Variants in NPR1 observed in about 807,000 individuals in gnomAD.
NPR1 encodes atrial natriuretic peptide receptor 1.
A neutral mutation model predicts 116.9 loss-of-function variants in NPR1; 57 were observed. That is an observed-to-expected ratio of 0.49 (90% confidence interval 0.39 to 0.61). The LOEUF is 0.61. NPR1 is among the 20% of genes least tolerant of loss of function. The pLI is 0.00. For missense variants in NPR1, 1,096 were observed against 1,409.8 expected (o/e 0.78, Z 3.56); for synonymous variants, 555 against 601.6 (o/e 0.92, Z 1.13).
intron 8 of NPR1, 67 bp from the exon 9 acceptor site, chr1:153,685,739 G>T: frequency 8.2e-7 from 1 of 1,223,258 alleles, no homozygotes; most frequent in South Asian, 1.2e-5. Context: ...AAAGACCAGA[G>T]CACAAGCAAT....
rs1241616612 is a variant in NPR1, at chr1:153,679,329, C to T, written c.221C>T (p.Pro74Leu). The T allele has an allele frequency of 5.2e-6, 8 of 1,534,546 alleles. No homozygotes were observed. The highest frequency in any genetic ancestry group is 7.0e-6 in the Non-Finnish European group (8 of 1,146,702). Residue 74 changes from proline (P) to leucine (L), a missense_variant, in exon 1 of 22, where the codon CCG (proline) becomes CTG (leucine). By Grantham distance (98) the Pro-to-Leu change is moderately conservative. Coordinates refer to ENST00000368680, the MANE Select transcript of NPR1 (RefSeq NM_000906.4). The surrounding 1 kb of genome is among the most constrained non-coding windows in gnomAD (Gnocchi z 4.2). ...AQVKARPDLL[P>L]GWTVRTVLGS... ...GTGAAGGCGCGCCCCGACTTGCTGCCGGGCTGGACGGTCCGCACGGTGCTG... is the reference window on the plus strand; with the variant it reads ...GTGAAGGCGCGCCCCGACTTGCTGCTGGGCTGGACGGTCCGCACGGTGCTG...
At chr1:153,682,448 C>T in intron 4 of NPR1, 50 bp from the exon 5 acceptor site, 1 of 1,371,154 alleles carries the variant, frequency 7.3e-7, no homozygotes, top group Non-Finnish European at 1.0e-6. Context: ...AGTGGGGCAC[C>T]CCTGAACTTC....
chr1:153,690,108 G>GTCTC (rs1156364963), intron 19 of NPR1, 128 bp downstream of exon 19: 144 of 315,488 alleles, frequency 4.6e-4, no homozygotes, highest in East Asian at 2.4e-3. Context: ...CTCTCTCTCT[G>GTCTC]TCTCTCTCTC....
chr1:153,685,011 G>T lies in NPR1; in HGVS notation c.1532G>T (p.Arg511Leu). ...KELASELWRV[R>L]WEDVEPSSLE... ...CTGGCCTCGGAGCTGTGGCGGGTGC[G>T]CTGGGAGGACGTTGAGCCCAGTAGC... Residue 511 changes from arginine (R) to leucine (L), a missense_variant, in exon 8 of 22, where the codon CGC becomes CTC. Arg to Leu is a moderately radical substitution (Grantham distance 102). Transcript: ENST00000368680. 3 of 1,614,010 alleles carry T rather than the reference G, an allele frequency of 1.9e-6. No homozygotes were observed. Among genetic ancestry groups the T allele is most frequent in the Non-Finnish European group, 2.5e-6 (3 of 1,179,958 alleles).
At chr1:153,685,401 C>A (rs1226518777) in intron 8 of NPR1, among the ~76,000 whole-genome samples, 2 of 151,922 alleles carry the variant, frequency 1.3e-5, no homozygotes, top group Non-Finnish European at 2.9e-5. Flanking sequence ...CAGTGGCTCA[C>A]ATCTGCAATC....
In NPR1 at chr1:153,678,840, G is replaced by A. The variant is rs1481978165; in HGVS notation, c.-269G>A. On this transcript the variant is annotated 5_prime_UTR_variant, in exon 1 of 22. Transcript: ENST00000368680. This position sits in a 1 kb window ranked among gnomAD's most constrained non-coding sequence, Gnocchi z 5.8. ...CTAACACGCACGCACACTCCCAGTT[G>A]TTCACACTCGGGTCCTCTCCAGCCC... The A allele has an allele frequency of 6.4e-6, 3 of 466,276 alleles. No homozygotes were observed. Among genetic ancestry groups the A allele is most frequent in the Non-Finnish European group, 1.1e-5 (3 of 267,634 alleles). The allele number at this position is 466,276 out of a possible 1,614,324, so 28.9% of individuals were successfully genotyped here. A position where few individuals can be genotyped will look rare whatever the true frequency, so the allele number is the denominator to read the frequency against.
Position 153,681,259 on chromosome 1 carries a change from A to G in NPR1, c.1001A>G (p.Tyr334Cys). The G allele has an allele frequency of 6.2e-7, 1 of 1,613,042 alleles. No homozygotes were observed. The highest frequency in any genetic ancestry group is 1.1e-5 in the South Asian group (1 of 91,058). ...EFLKQLKHLA[Y>C]EQFNFTMEDG... Reference sequence around the variant, plus strand: ...CTGAAGCAGTTAAAACACCTGGCCTATGAGCAGTTCAACTTCACCATGGAG... The same window carrying G: ...CTGAAGCAGTTAAAACACCTGGCCTGTGAGCAGTTCAACTTCACCATGGAG... The change falls in exon 3 of 22, where the codon TAT becomes TGT. Residue 334 changes from tyrosine (Y) to cysteine (C), a missense_variant. Tyr to Cys is a radical substitution (Grantham distance 194). Transcript: ENST00000368680.
chr1:153,693,372 C>T lies in NPR1; in HGVS notation c.3144C>T (p.Thr1048=). ...TCCAGGGCAAAGGCAAGGTTCGGAC[C>T]TACTGGCTCCTTGGGGAGAGGGGGA... ...VEMKGKGKVR[T]YWLLGERGSS... The change falls in exon 22 of 22, where the codon ACC becomes ACT. Residue 1048 remains threonine (T), a synonymous_variant. Transcript: ENST00000368680. 1 of 1,613,166 alleles carries T rather than the reference C, an allele frequency of 6.2e-7. No homozygotes were observed. The highest frequency in any genetic ancestry group is 8.5e-7 in the Non-Finnish European group (1 of 1,179,528).
At position 153,689,129 on chromosome 1, in the gene NPR1, A is replaced by C; in HGVS notation, c.2564+30A>C. The C allele has an allele frequency of 6.2e-7, 1 of 1,613,616 alleles. No individual in the cohort carries two copies. Among genetic ancestry groups the C allele is most frequent in the Non-Finnish European group, 8.5e-7 (1 of 1,179,824 alleles). On this transcript the variant is annotated intron_variant, in intron 16 of 21. Transcript: ENST00000368680. The surrounding 1 kb of genome is among the most constrained non-coding windows in gnomAD (Gnocchi z 5.1). ...GTGCCTGAGTCTGGGGACCCCCCCC[A>C]ACACAAAGCCCCTGTCCCGACCCCC...
At position 153,679,145 on chromosome 1, in the gene NPR1, C is replaced by A. The variant is rs1001658927; in HGVS notation, c.37C>A (p.Arg13Ser). Residue 13 changes from arginine to serine, a missense_variant, in exon 1 of 22, where the codon CGC (arginine) becomes AGC (serine). Coordinates refer to ENST00000368680, the MANE Select transcript of NPR1 (RefSeq NM_000906.4). The surrounding 1 kb of genome is among the most constrained non-coding windows in gnomAD (Gnocchi z 4.2). Reference protein sequence around the residue: ...GPRRPAGSRLRLLLLLLLPPL... With the variant: ...GPRRPAGSRLSLLLLLLLPPL... ...CCGGCGCCCCGCTGGCTCCCGCCTG[C>A]GCCTGCTCCTGCTCCTGCTGCTGCC... 16 of 1,473,288 alleles carry A rather than the reference C, an allele frequency of 1.1e-5. No homozygotes were observed. The East Asian group carries it at 3.9e-4, about 36-fold the overall frequency. The allele number at this position is 1,473,288 out of a possible 1,614,324, so 91.3% of individuals were successfully genotyped here. A position where few individuals can be genotyped will look rare whatever the true frequency, so the allele number is the denominator to read the frequency against.
intron 5 of NPR1, 57 bp downstream of exon 5, chr1:153,682,646 C>CT: frequency 7.6e-7 from 1 of 1,314,108 alleles, no homozygotes; most frequent in African/African-American, 1.4e-5. Flanking sequence ...CACCCTCCTA[C>CT]TTCCCCCCCA....
rs748859173 is a variant in NPR1, at chr1:153,687,648, G to T, written c.2107G>T (p.Ala703Ser). The T allele has an allele frequency of 6.3e-6, 10 of 1,591,174 alleles. No individual in the cohort carries two copies. The highest frequency in any genetic ancestry group is 3.4e-5 in the South Asian group (3 of 89,178). The change falls in exon 14 of 22, where the codon GCC becomes TCC. Residue 703 changes from alanine to serine, a missense_variant. By Grantham distance (99) the Ala-to-Ser change is moderately conservative. Coordinates refer to ENST00000368680, the MANE Select transcript of NPR1 (RefSeq NM_000906.4). Reference protein sequence around the residue: ...HTVYAKKLWTAPELLRMASPP... With the variant: ...HTVYAKKLWTSPELLRMASPP... ...CTGACCCACAGAAAAGCTGTGGACGGCCCCTGAGCTCCTGCGAATGGCTTC... is the reference window on the plus strand; with the variant it reads ...CTGACCCACAGAAAAGCTGTGGACGTCCCCTGAGCTCCTGCGAATGGCTTC...
chr1:153,684,866 G>C (rs1353994368), intron 7 of NPR1, 98 bp from the exon 8 acceptor site: 1 of 1,473,168 alleles, frequency 6.8e-7, no homozygotes, highest in Non-Finnish European at 9.3e-7. Context: ...ATCTCTGAGT[G>C]CATGGTGTGG....
intron 3 of NPR1, 167 bp downstream of exon 3, chr1:153,681,460 C>G (rs1669778898): frequency 1.6e-6 from 1 of 641,872 alleles, no homozygotes; most frequent in Non-Finnish European, 2.7e-6. Context: ...AGTTCAGCCT[C>G]TGAAACTCAG....
In NPR1 at chr1:153,683,701, C is replaced by T. The variant is rs972266724; in HGVS notation, c.1400-39C>T. The T allele has an allele frequency of 2.5e-6, 4 of 1,604,740 alleles. No homozygotes were observed. The African/African-American group carries it at 4.0e-5, about 16-fold the overall frequency. On this transcript the variant is annotated intron_variant, in intron 6 of 21. Coordinates refer to ENST00000368680, the MANE Select transcript of NPR1 (RefSeq NM_000906.4). ...AAAGTTCTTCCTCCTGCTGTCTAAC[C>T]CAAATCTCTCTTGCTGCAATATGGA...
rs2228581 is a variant in NPR1, at chr1:153,686,741, G to A, written c.1854G>A (p.Gly618=). 2,284 of 1,613,698 alleles carry A rather than the reference G, an allele frequency of 1.4e-3. 26 individuals are homozygous for A. The African/African-American group carries it at 0.027, about 19-fold the overall frequency. The change falls in exon 11 of 22, where the codon GGG becomes GGA. Residue 618 remains glycine (G), a synonymous_variant. Transcript: ENST00000368680. ...TCCTCACAGAGTACTGTCCCCGTGGGAGCCTGCAGGTGAGGGGGACAAGGG... is the reference window on the plus strand; with the variant it reads ...TCCTCACAGAGTACTGTCCCCGTGGAAGCCTGCAGGTGAGGGGGACAAGGG... ...ICILTEYCPR[G]SLQDILENES...
rs35874998 is a variant in NPR1 at position 153,692,508 on chromosome 1, ATT to A, written c.3032-582_3032-581del. 3.8e-3 allele frequency among the ~76,000 whole-genome samples: 526 copies of A among 136,876 alleles called. 3 individuals carry two copies. Among genetic ancestry groups the A allele is most frequent in the African/African-American group, 0.01 (388 of 37,034 alleles). The allele number at this position is 136,876 out of a possible 152,430, so 89.8% of individuals were successfully genotyped here. On this transcript the variant is annotated intron_variant, in intron 20 of 21. Transcript: ENST00000368680. ...TGTGACGGGTGCAACTGAGGCCCTGATTTTTTTTTTTTTTTTTGGAGACAGAG... is the reference window on the plus strand; with the variant it reads ...TGTGACGGGTGCAACTGAGGCCCTGATTTTTTTTTTTTTTTGGAGACAGAG...
intron 20 of NPR1, among the ~76,000 whole-genome samples, 199 bp from the exon 21 acceptor site, chr1:153,692,907 C>G (rs2101742658): frequency 6.6e-6 from 1 of 152,278 alleles, no homozygotes; most frequent in East Asian, 1.9e-4. Flanking sequence ...CTCCAGAGTT[C>G]TAAATGAGAG....
chr1:153,679,167 T>C lies in NPR1; in HGVS notation c.59T>C (p.Leu20Pro), dbSNP rs1571343228. Residue 20 changes from leucine to proline, a missense_variant, in exon 1 of 22, where the codon CTG (leucine) becomes CCG (proline). Leu to Pro is a moderately conservative substitution (Grantham distance 98, BLOSUM62 -3). Transcript: ENST00000368680. This position sits in a 1 kb window ranked among gnomAD's most constrained non-coding sequence, Gnocchi z 4.2. ...SRLRLLLLLL[L>P]PPLLLLLRGS... Reference sequence around the variant, plus strand: ...CTGCGCCTGCTCCTGCTCCTGCTGCTGCCGCCGCTGCTGCTGCTGCTCCGG... The same window carrying C: ...CTGCGCCTGCTCCTGCTCCTGCTGCCGCCGCCGCTGCTGCTGCTGCTCCGG... The C allele has an allele frequency of 4.7e-6, 7 of 1,502,050 alleles. No homozygotes were observed. Among genetic ancestry groups the C allele is most frequent in the African/African-American group, 1.5e-5 (1 of 68,820 alleles). The allele number at this position is 1,502,050 out of a possible 1,614,324, so 93.0% of individuals were successfully genotyped here.
Sources: allele counts gnomAD v4.1 joint callset (sites outside exome capture counted in the v4.1 genomes callset), GRCh38; gene constraint gnomAD v4.1.1; non-coding constraint Gnocchi (gnomAD v3.1); transcripts MANE v1.5; gene names NCBI Gene and HGNC (gene_info 2026-07-23, HGNC 2026-07-21).